STK10: variants seen among roughly 807,000 people sequenced by gnomAD.
STK10 encodes serine/threonine-protein kinase 10.
In STK10, 78 loss-of-function variants were observed where a neutral mutation model predicts 113.8. The observed-to-expected ratio is 0.69, with a 90% CI of 0.57 to 0.83. The LOEUF (loss-of-function observed/expected upper bound fraction) is 0.83. STK10 is among the 40% of genes least tolerant of loss of function. The pLI is 0.00. For missense variants in STK10, 1,109 were observed against 1,280.1 expected, an observed-to-expected ratio of 0.87 and a Z score of 2.04; for synonymous variants, 465 against 494.7, an observed-to-expected ratio of 0.94 and a Z score of 0.80.
chr5:172,187,660 G>C lies in STK10; in HGVS notation c.156+227C>G, dbSNP rs1030045114. 4.6e-5 allele frequency among the ~76,000 whole-genome samples: 7 copies of C among 152,346 alleles called. No homozygotes were observed. Among genetic ancestry groups the C allele is most frequent in the East Asian group, 1.9e-4 (1 of 5,180 alleles). ...AAGTGCTCCGAAACAGGGCTAGGGT[G>C]GGGGCGGCAACCGTGCCCGGAGGGG... On this transcript the variant is annotated intron_variant, in intron 1 of 18. Transcript: ENST00000176763. This position sits in a 1 kb window ranked among gnomAD's most constrained non-coding sequence, Gnocchi z 4.6.
At chr5:172,140,332 C>T (rs1769948428) in intron 2 of STK10, among the ~76,000 whole-genome samples, 1 of 152,176 alleles carries the variant, frequency 6.6e-6, no homozygotes, top group African/African-American at 2.4e-5. Flanking sequence ...AGCACTTGCA[C>T]ACTGTTGGTG....
At position 172,147,899 on chromosome 5, in the gene STK10, A is replaced by G. The variant is rs533375331; in HGVS notation, c.321+8725T>C. The stretch of plus-strand genomic sequence containing the variant: ...ATAACAAAACATTGTAATAAGGGCT[A>G]TGGGAGTTATGAGCCAGGAATTGCG... On this transcript the variant is annotated intron_variant, in intron 2 of 18. Transcript: ENST00000176763. 2.6e-5 allele frequency among the ~76,000 whole-genome samples: 4 copies of G among 152,314 alleles called. No homozygotes were observed. The South Asian group carries it at 8.3e-4, about 32-fold the overall frequency.
At chr5:172,049,816 T>A (rs1217396656) in intron 18 of STK10, among the ~76,000 whole-genome samples, 1 of 151,982 alleles carries the variant, frequency 6.6e-6, no homozygotes, top group Non-Finnish European at 1.5e-5. Context: ...TTATTTTTAT[T>A]TTTTGAGATG....
At chr5:172,075,204 T>C (rs561449199) in intron 12 of STK10, among the ~76,000 whole-genome samples, 14 of 151,666 alleles carry the variant, frequency 9.2e-5, no homozygotes, top group Non-Finnish European at 1.5e-5. Context: ...TTCTGCTCTA[T>C]ACAAGACACT....
At chr5:172,062,098 T>C (rs951551076) in intron 13 of STK10, among the ~76,000 whole-genome samples, 4 of 151,550 alleles carry the variant, frequency 2.6e-5, no homozygotes, top group Non-Finnish European at 4.4e-5. Flanking sequence ...CCATCTCAGC[T>C]TCCTGAGTAG....
At chr5:172,051,794 C>T (rs912680131) in intron 18 of STK10, among the ~76,000 whole-genome samples, 4 of 151,996 alleles carry the variant, frequency 2.6e-5, no homozygotes, top group Non-Finnish European at 5.9e-5. Context: ...TCCAGCCAGC[C>T]GTATCCATGC....
Position 172,093,532 on chromosome 5 carries a change from T to C in STK10, c.1434A>G (p.Pro478=). 1 of 1,614,230 alleles carries C rather than the reference T, an allele frequency of 6.2e-7. No individual in the cohort carries two copies. Among genetic ancestry groups the C allele is most frequent in the Non-Finnish European group, 8.5e-7 (1 of 1,180,040 alleles). Residue 478 remains proline, a synonymous_variant, in exon 9 of 19, where the codon CCA becomes CCG. Transcript: ENST00000176763. This position sits in a 1 kb window ranked among gnomAD's most constrained non-coding sequence, Gnocchi z 4.1. ...AGTCCGAGTCCCTCTTGGAAGGCCC[T>C]GGAGCTGCCTGGGCAGGTGGCTCCA... ...GSLEPPAQAA[P]GPSKRDSDCS...
At chr5:172,062,055 G>A (rs1767949220) in intron 13 of STK10, among the ~76,000 whole-genome samples, 1 of 150,910 alleles carries the variant, frequency 6.6e-6, no homozygotes, top group Non-Finnish European at 1.5e-5. Flanking sequence ...TCAGCTCGCT[G>A]CAACCTCAGC....
chr5:172,107,678 T>TGCCCACAGGCTGACCGGGC (rs3836825), intron 5 of STK10, 102 bp downstream of exon 5: 264,477 of 1,069,318 alleles, frequency 0.25, 39,377 homozygotes, highest in African/African-American at 0.67. Flanking sequence ...GCAGGGCGTG[T>TGCCCACAGGCTGACCGGGC]AGCCCTTGTC....
intron 13 of STK10, among the ~76,000 whole-genome samples, chr5:172,062,905 T>C (rs929796660): frequency 1.3e-5 from 2 of 152,376 alleles, no homozygotes; most frequent in African/African-American, 4.8e-5. Flanking sequence ...ATGTTATGAC[T>C]ATTTTACCAC....
chr5:172,052,269 C>T (rs1301761961), intron 18 of STK10, among the ~76,000 whole-genome samples: 8 of 152,130 alleles, frequency 5.3e-5, no homozygotes, highest in Non-Finnish European at 7.4e-5. Context: ...GAAAATAACC[C>T]GTCTGAGGTC....
At chr5:172,119,499 T>C (rs532378565) in intron 3 of STK10, among the ~76,000 whole-genome samples, 157 of 152,160 alleles carry the variant, frequency 1.0e-3, no homozygotes, top group Middle Eastern at 3.4e-3. Context: ...GAGAATCACT[T>C]GAGGCCAGGA....
intron 2 of STK10, among the ~76,000 whole-genome samples, chr5:172,143,190 AC>A (rs1228282865): frequency 2.0e-5 from 3 of 152,158 alleles, no homozygotes; most frequent in Non-Finnish European, 2.9e-5. Flanking sequence ...ACAAGGCCAA[AC>A]CCTGTCTCTA....
Position 172,188,079 on chromosome 5 carries a change from T to G in STK10, c.-37A>C. ...CGGTGGCGCCGGCTCGGGCTCGGGC[T>G]CGGGCTCGGGCTGTGGCTTCGGCGG... On this transcript the variant is annotated 5_prime_UTR_variant, in exon 1 of 19. Transcript: ENST00000176763. This position sits in a 1 kb window ranked among gnomAD's most constrained non-coding sequence, Gnocchi z 5.6. The G allele has an allele frequency of 6.3e-7, 1 of 1,597,566 alleles. No homozygotes were observed. The highest frequency in any genetic ancestry group is 8.5e-7 in the Non-Finnish European group (1 of 1,172,148).
At chr5:172,084,120 A>G (rs115824373) in intron 10 of STK10, among the ~76,000 whole-genome samples, 6,275 of 151,964 alleles carry the variant, frequency 0.041, 439 homozygotes, top group African/African-American at 0.14. Context: ...ATAATAATTC[A>G]GCTGGGCACA....
At position 172,082,305 on chromosome 5, in the gene STK10, C is replaced by T. The variant is rs1561799454; in HGVS notation, c.1989+21G>A. The T allele has an allele frequency of 6.7e-7, 1 of 1,502,808 alleles. No homozygotes were observed. The highest frequency in any genetic ancestry group is 2.5e-5 in the East Asian group (1 of 40,346). The allele number at this position is 1,502,808 out of a possible 1,614,324, so 93.1% of individuals were successfully genotyped here. A position where few individuals can be genotyped will look rare whatever the true frequency, so the allele number is the denominator to read the frequency against. The stretch of plus-strand genomic sequence containing the variant: ...CCCTAATACTCCGAGATGCCCCTGC[C>T]CCCACTGAGCACATACTCACCTCTT... On this transcript the variant is annotated intron_variant, in intron 12 of 18. Transcript: ENST00000176763. The surrounding 1 kb of genome is among the most constrained non-coding windows in gnomAD (Gnocchi z 4.3).
chr5:172,103,520 G>A (rs904010730), intron 7 of STK10, among the ~76,000 whole-genome samples: 3 of 152,116 alleles, frequency 2.0e-5, no homozygotes, highest in South Asian at 4.2e-4. Flanking sequence ...AGGGCAGGAG[G>A]TGCCTCTTAC....
chr5:172,082,500 C>T lies in STK10; in HGVS notation c.1815G>A (p.Lys605=). Residue 605 remains lysine, a synonymous_variant, in exon 12 of 19, where the codon AAG becomes AAA. Transcript: ENST00000176763. The surrounding 1 kb of genome is among the most constrained non-coding windows in gnomAD (Gnocchi z 4.3). Reference sequence around the variant, plus strand: ...CTAATTCCGTGTCAAAGAACTTCTTCTTGGCCTGAAAGGAGCAGAAATTCT... The same window carrying T: ...CTAATTCCGTGTCAAAGAACTTCTTTTTGGCCTGAAAGGAGCAGAAATTCT... ...HKRFEQEINA[K]KKFFDTELEN... The T allele has an allele frequency of 6.3e-7, 1 of 1,587,278 alleles. No individual in the cohort carries two copies. The highest frequency in any genetic ancestry group is 8.5e-7 in the Non-Finnish European group (1 of 1,169,944).
intron 10 of STK10, among the ~76,000 whole-genome samples, chr5:172,086,848 T>C (rs1192004627): frequency 6.6e-6 from 1 of 152,106 alleles, no homozygotes; most frequent in African/African-American, 2.4e-5. Context: ...TGACCCTGAG[T>C]AGCACACAGC....
Sources: gnomAD v4.1 joint callset for allele counts (sites outside exome capture counted in the v4.1 genomes callset) on GRCh38, gnomAD v4.1.1 for gene constraint, Gnocchi (gnomAD v3.1) non-coding constraint, MANE v1.5 for transcripts, NCBI Gene and HGNC (gene_info 2026-07-23, HGNC 2026-07-21) for gene names.